RBFOX1: variants seen among roughly 807,000 people sequenced by gnomAD.
The protein encoded by RBFOX1 is RNA binding fox-1 homolog 1.
In RBFOX1, 8 loss-of-function variants were observed where a neutral mutation model predicts 57.7. The observed-to-expected ratio is 0.14, with a 90% CI of 0.08 to 0.25. The LOEUF (loss-of-function observed/expected upper bound fraction) is 0.25. Ranked by LOEUF, RBFOX1 falls within the 10% of genes least tolerant of loss-of-function variation. The pLI is 1.00. For synonymous variants in RBFOX1, 326 were observed against 222.4 expected, an observed-to-expected ratio of 1.47 and a Z score of -4.15; for missense variants, 611 against 548.5, an observed-to-expected ratio of 1.11 and a Z score of -1.14.
Position 6,007,036 on chromosome 16 carries a change from C to T in RBFOX1, c.351+139701C>T, listed in dbSNP as rs77132573. Among the ~76,000 whole-genome samples, 985 of 152,002 alleles carry T rather than the reference C, an allele frequency of 6.5e-3. 14 individuals are homozygous for T. Among genetic ancestry groups the T allele is most frequent in the African/African-American group, 0.023 (957 of 41,434 alleles). On this transcript the variant is annotated intron_variant, in intron 4 of 19. Transcript: ENST00000641259. ...ACCCTCTCTCCCCATCCTTTTCTTC[C>T]GTATCTCTGCCATCCATGTAGGATT...
At chr16:6,790,940 G>T (rs933718842) in intron 3 of RBFOX1, among the ~76,000 whole-genome samples, 1 of 151,446 alleles carries the variant, frequency 6.6e-6, no homozygotes, top group Non-Finnish European at 1.5e-5. Flanking sequence ...GGGTCTGACT[G>T]TGTCACCCAG....
chr16:6,769,812 A>C (rs144120592), intron 3 of RBFOX1, among the ~76,000 whole-genome samples: 1 of 152,188 alleles, frequency 6.6e-6, no homozygotes, highest in South Asian at 2.1e-4. Context: ...TTTTGCAGCA[A>C]TGATGCCACA....
intron 2 of RBFOX1, among the ~76,000 whole-genome samples, chr16:6,452,995 A>C (rs1385178505): frequency 6.6e-6 from 1 of 152,224 alleles, no homozygotes. Context: ...TTGGGGCAAC[A>C]CTGCAGGCAA....
intron 1 of RBFOX1, among the ~76,000 whole-genome samples, chr16:5,383,484 A>G (rs542687865): frequency 6.6e-6 from 1 of 152,352 alleles, no homozygotes; most frequent in African/African-American, 2.4e-5. Context: ...AACTGCATGC[A>G]TGCTATGCAA....
chr16:6,200,227 G>A (rs746191877), intron 1 of RBFOX1, among the ~76,000 whole-genome samples: 25 of 152,234 alleles, frequency 1.6e-4, no homozygotes, highest in East Asian at 3.9e-4. Context: ...TCAGAGCTGC[G>A]GCCTCAAGAA....
chr16:7,698,307 C>G (rs555205064), intron 14 of RBFOX1, among the ~76,000 whole-genome samples: 11 of 151,882 alleles, frequency 7.2e-5, no homozygotes, highest in East Asian at 5.8e-4. Flanking sequence ...CTTAGCAAAT[C>G]TGGGGACATG....
chr16:6,060,508 C>T (rs993555602), intron 1 of RBFOX1, among the ~76,000 whole-genome samples: 1 of 152,144 alleles, frequency 6.6e-6, no homozygotes, highest in Non-Finnish European at 1.5e-5. Context: ...TTTTGGTTGA[C>T]CTTTCACAGA....
intron 3 of RBFOX1, among the ~76,000 whole-genome samples, chr16:5,725,829 A>G (rs1035728043): frequency 6.6e-6 from 1 of 151,718 alleles, no homozygotes; most frequent in Non-Finnish European, 1.5e-5. Flanking sequence ...CAGCTCTCCG[A>G]GTTCTCTGCC....
intron 9 of RBFOX1, among the ~76,000 whole-genome samples, chr16:7,605,375 T>C (rs2095245072): frequency 6.6e-6 from 1 of 152,188 alleles, no homozygotes; most frequent in African/African-American, 2.4e-5. Flanking sequence ...ATTTCATGTT[T>C]CTTTCTGTCA....
At chr16:7,253,543 C>T (rs933521392) in intron 4 of RBFOX1, among the ~76,000 whole-genome samples, 6 of 152,114 alleles carry the variant, frequency 3.9e-5, no homozygotes, top group African/African-American at 1.4e-4. Context: ...ACATTAAATG[C>T]ACTCTCACCT....
chr16:7,599,970 C>G (rs1454879672), intron 9 of RBFOX1, among the ~76,000 whole-genome samples: 1 of 152,072 alleles, frequency 6.6e-6, no homozygotes, highest in African/African-American at 2.4e-5. Context: ...GTAACAAAAT[C>G]TTGTGACCAT....
At chr16:6,961,761 T>G (rs2083068252) in intron 3 of RBFOX1, among the ~76,000 whole-genome samples, 1 of 152,284 alleles carries the variant, frequency 6.6e-6, no homozygotes, top group South Asian at 2.1e-4. Context: ...CGTTTTTAAA[T>G]TGTCATGGCA....
intron 3 of RBFOX1, among the ~76,000 whole-genome samples, chr16:6,944,226 C>T (rs958895273): frequency 6.6e-6 from 1 of 151,798 alleles, no homozygotes; most frequent in African/African-American, 2.4e-5. Flanking sequence ...GAAACCCTTT[C>T]TCTACTAAAA....
intron 1 of RBFOX1, among the ~76,000 whole-genome samples, chr16:5,297,850 TC>T (rs1196132750): frequency 2.0e-5 from 3 of 152,234 alleles, no homozygotes; most frequent in African/African-American, 7.2e-5. Context: ...AAACACTTAT[TC>T]CCTTTTAAAT....
At chr16:7,685,528 A>C (rs2075880515) in intron 14 of RBFOX1, among the ~76,000 whole-genome samples, 1 of 152,116 alleles carries the variant, frequency 6.6e-6, no homozygotes, top group African/African-American at 2.4e-5. Context: ...TTCCTATGCT[A>C]AGTGGAAAGC....
intron 1 of RBFOX1, among the ~76,000 whole-genome samples, chr16:5,251,381 G>A (rs1299198829): frequency 1.3e-5 from 2 of 152,260 alleles, no homozygotes; most frequent in African/African-American, 4.8e-5. Flanking sequence ...TGCGCAGTCA[G>A]CACGTGTGGG....
At chr16:6,559,830 G>T (rs898815311) in intron 2 of RBFOX1, among the ~76,000 whole-genome samples, 4 of 152,114 alleles carry the variant, frequency 2.6e-5, no homozygotes, top group Admixed American at 2.6e-4. Context: ...AACTGAAGTT[G>T]TTCCCTGAAG....
At chr16:7,330,525 TAGAG>T (rs138727480) in intron 4 of RBFOX1, among the ~76,000 whole-genome samples, 98 of 132,850 alleles carry the variant, frequency 7.4e-4, no homozygotes, top group Middle Eastern at 4.4e-3. Flanking sequence ...TGTGTGTGTG[TAGAG>T]AGAGAGAGAG....
intron 1 of RBFOX1, among the ~76,000 whole-genome samples, chr16:6,267,363 A>G (rs1263192285): frequency 6.6e-6 from 1 of 152,196 alleles, no homozygotes. Flanking sequence ...CTCTCCTGAT[A>G]AACCCCGATT....
Sources: gnomAD v4.1 joint callset for allele counts (sites outside exome capture counted in the v4.1 genomes callset) on GRCh38, gnomAD v4.1.1 for gene constraint, MANE v1.5 for transcripts, NCBI Gene and HGNC (gene_info 2026-07-23, HGNC 2026-07-21) for gene names.